DPP10: variants seen among roughly 807,000 people sequenced by gnomAD.
DPP10 encodes the protein dipeptidyl peptidase like 10.
A neutral mutation model predicts 120.9 loss-of-function variants in DPP10; 33 were observed. The observed-to-expected ratio is 0.27, with a 90% CI of 0.21 to 0.37. DPP10 has a LOEUF of 0.37. DPP10 is among the 10% of genes least tolerant of loss of function. The pLI, the probability that DPP10 is intolerant of heterozygous loss-of-function variation, is 1.00. For synonymous variants in DPP10, 337 were observed against 326.1 expected (o/e 1.03, Z -0.36); for missense variants, 816 against 942.8 (o/e 0.87, Z 1.76).
At chr2:115,154,199 C>T (rs2051747921) in intron 1 of DPP10, among the ~76,000 whole-genome samples, 1 of 152,132 alleles carries the variant, frequency 6.6e-6, no homozygotes. Flanking sequence ...CATTATAGCT[C>T]TTCCTCCTCC....
intron 5 of DPP10, among the ~76,000 whole-genome samples, chr2:115,592,513 T>C (rs1246234559): frequency 6.6e-6 from 1 of 151,418 alleles, no homozygotes; most frequent in Non-Finnish European, 1.5e-5. Flanking sequence ...AGCACTTTGA[T>C]CATGAGGTCA....
chr2:114,793,754 T>C (rs7585126), intron 1 of DPP10, among the ~76,000 whole-genome samples: 79,689 of 151,960 alleles, frequency 0.52, 21,637 homozygotes, highest in East Asian at 0.79. Context: ...CCTTGATGCA[T>C]GCGGAGACTT....
intron 7 of DPP10, among the ~76,000 whole-genome samples, chr2:115,691,925 T>G (rs62155263): frequency 6.6e-6 from 1 of 152,082 alleles, no homozygotes; most frequent in Non-Finnish European, 1.5e-5. Flanking sequence ...ATTTTAAAAA[T>G]GTTTGCTACT....
At chr2:115,558,098 G>A (rs899779713) in intron 5 of DPP10, among the ~76,000 whole-genome samples, 3 of 152,060 alleles carry the variant, frequency 2.0e-5, no homozygotes, top group African/African-American at 7.2e-5. Flanking sequence ...TCTCTGAGAA[G>A]CAGACCCAAA....
At chr2:114,680,088 T>C (rs1698928680) in intron 1 of DPP10, among the ~76,000 whole-genome samples, 1 of 151,992 alleles carries the variant, frequency 6.6e-6, no homozygotes, top group Non-Finnish European at 1.5e-5. Flanking sequence ...TATAGAATCG[T>C]CTCTTGAGGC....
intron 1 of DPP10, among the ~76,000 whole-genome samples, chr2:114,504,572 G>A (rs1371577604): frequency 6.6e-6 from 1 of 151,242 alleles, no homozygotes; most frequent in East Asian, 1.9e-4. Flanking sequence ...ACCTTACTGA[G>A]CTTTAAGTTT....
intron 1 of DPP10, among the ~76,000 whole-genome samples, chr2:115,118,750 TGTG>T (rs2104723636): frequency 7.2e-5 from 1 of 13,808 alleles, no homozygotes; most frequent in South Asian, 1.5e-3. Flanking sequence ...CAGCTAATTG[TGTG>T]TGTGTGTGTG....
intron 1 of DPP10, among the ~76,000 whole-genome samples, chr2:114,536,187 T>G (rs1406634807): frequency 6.6e-6 from 1 of 152,098 alleles, no homozygotes; most frequent in Non-Finnish European, 1.5e-5. Flanking sequence ...ATTTTATTCC[T>G]CATGTCTTGC....
At chr2:114,924,048 A>G (rs1695410969) in intron 1 of DPP10, among the ~76,000 whole-genome samples, 1 of 152,126 alleles carries the variant, frequency 6.6e-6, no homozygotes, top group Non-Finnish European at 1.5e-5. Context: ...TATTGTTGAA[A>G]ATAAATATAA....
At chr2:115,377,556 A>G (rs1330537931) in intron 3 of DPP10, among the ~76,000 whole-genome samples, 1 of 152,128 alleles carries the variant, frequency 6.6e-6, no homozygotes, top group East Asian at 1.9e-4. Flanking sequence ...CTTTAGTTTA[A>G]TTAGATCCCA....
chr2:115,486,430 A>G (rs1431101357), intron 3 of DPP10, among the ~76,000 whole-genome samples: 1 of 152,134 alleles, frequency 6.6e-6, no homozygotes, highest in African/African-American at 2.4e-5. Context: ...AATAAGCTCT[A>G]TTTTCTGCAT....
At chr2:115,819,634 A>G (rs1402038334) in intron 21 of DPP10, among the ~76,000 whole-genome samples, 1 of 150,218 alleles carries the variant, frequency 6.7e-6, no homozygotes, top group Non-Finnish European at 1.5e-5. Context: ...TACTTTTTAT[A>G]TACATTTTTT....
At chr2:115,528,179 A>G (rs1011986909) in intron 5 of DPP10, among the ~76,000 whole-genome samples, 6 of 152,084 alleles carry the variant, frequency 3.9e-5, no homozygotes, top group Admixed American at 1.3e-4. Context: ...TTTACAGTCC[A>G]ACAATGATAG....
At chr2:115,685,429 T>C (rs772092485) in intron 5 of DPP10, among the ~76,000 whole-genome samples, 1 of 152,014 alleles carries the variant, frequency 6.6e-6, no homozygotes, top group Non-Finnish European at 1.5e-5. Flanking sequence ...CAACAGAGTT[T>C]TCCATACCAA....
chr2:114,541,799 A>G (rs1686974099), intron 1 of DPP10, among the ~76,000 whole-genome samples: 1 of 152,178 alleles, frequency 6.6e-6, no homozygotes, highest in Non-Finnish European at 1.5e-5. Context: ...TTGAGCAAAC[A>G]CAGGAGGAAA....
At chr2:114,767,980 TAG>T (rs1680887607) in intron 1 of DPP10, among the ~76,000 whole-genome samples, 1 of 151,798 alleles carries the variant, frequency 6.6e-6, no homozygotes, top group Non-Finnish European at 1.5e-5. Context: ...ATAGAAAAAT[TAG>T]CCGGGCATGG....
At chr2:115,241,315 G>A (rs1009887998) in intron 1 of DPP10, among the ~76,000 whole-genome samples, 4 of 152,034 alleles carry the variant, frequency 2.6e-5, no homozygotes, top group Non-Finnish European at 5.9e-5. Context: ...TATCTCTCAG[G>A]CTGTCTTTAA....
chr2:114,707,344 G>C (rs1700747207), intron 1 of DPP10, among the ~76,000 whole-genome samples: 1 of 152,152 alleles, frequency 6.6e-6, no homozygotes, highest in Non-Finnish European at 1.5e-5. Flanking sequence ...AATCTAATCA[G>C]ATATAAGAAG....
chr2:114,773,950 T>A (rs1357767937), intron 1 of DPP10, among the ~76,000 whole-genome samples: 1 of 152,030 alleles, frequency 6.6e-6, no homozygotes, highest in African/African-American at 2.4e-5. Context: ...GCTTTTGAAG[T>A]ATAACTTTTA....
Sources: gnomAD v4.1 joint callset for allele counts (sites outside exome capture counted in the v4.1 genomes callset) on GRCh38, gnomAD v4.1.1 for gene constraint, MANE v1.5 for transcripts, NCBI Gene and HGNC (gene_info 2026-07-23, HGNC 2026-07-21) for gene names.